IQCH: variants seen among roughly 807,000 people sequenced by gnomAD.
IQCH encodes the protein IQ domain-containing protein H.
IQCH carries 98 observed loss-of-function variants against 117.0 expected under a neutral mutation model. The ratio of observed to expected loss-of-function variants is 0.84; its 90% CI spans 0.71 to 0.99. The LOEUF is 0.99. Among genes scored for constraint, IQCH ranks in the 50% least tolerant of loss-of-function variants. IQCH has a pLI of 0.00. For synonymous variants in IQCH, 412 were observed against 448.2 expected (o/e 0.92, Z 1.02); for missense variants, 1,102 against 1,243.8 (o/e 0.89, Z 1.72).
At chr15:67,321,529 C>G (rs1462467089) in intron 4 of IQCH, among the ~76,000 whole-genome samples, 2 of 126,528 alleles carry the variant, frequency 1.6e-5, no homozygotes, top group Non-Finnish European at 3.4e-5. Flanking sequence ...TTCTTTCTTT[C>G]TTTCCTTCCT....
intron 4 of IQCH, among the ~76,000 whole-genome samples, chr15:67,326,741 T>C (rs1968430510): frequency 6.6e-6 from 1 of 152,232 alleles, no homozygotes; most frequent in South Asian, 2.1e-4. Context: ...AAGCAGCTTA[T>C]AGAAAACAAC....
chr15:67,498,800 T>C (rs1370316833), intron 20 of IQCH, among the ~76,000 whole-genome samples: 1 of 152,036 alleles, frequency 6.6e-6, no homozygotes, highest in African/African-American at 2.4e-5. Context: ...CATCAAAATT[T>C]AAAACTTCGT....
chr15:67,375,723 AAG>A (rs1160660848), intron 10 of IQCH, among the ~76,000 whole-genome samples: 3 of 151,990 alleles, frequency 2.0e-5, no homozygotes, highest in Non-Finnish European at 4.4e-5. Context: ...ACACTTTCAA[AAG>A]AGAATAATAC....
Position 67,384,148 on chromosome 15 carries a change from C to G in IQCH, c.1373-788C>G, listed in dbSNP as rs188397058. Among the ~76,000 whole-genome samples, 114 of 152,204 alleles carry G rather than the reference C, an allele frequency of 7.5e-4. No homozygotes were observed. Among genetic ancestry groups the G allele is most frequent in the African/African-American group, 2.5e-3 (102 of 41,544 alleles). ...ATGAAGAAAAAAAAAGTTACACCTA[C>G]AGTTGTTGAATTTCATATAAGCAGT... On this transcript the variant is annotated intron_variant, in intron 10 of 20. Transcript: ENST00000335894. This position sits in a 1 kb window ranked among gnomAD's most constrained non-coding sequence, Gnocchi z 4.3.
At position 67,421,439 on chromosome 15, in the gene IQCH, GC is replaced by G; in HGVS notation, c.2369del (p.Pro790LeufsTer23). 3.1e-6 allele frequency: 5 copies of G among 1,614,154 alleles called. No homozygotes were observed. The highest frequency in any genetic ancestry group is 4.2e-6 in the Non-Finnish European group (5 of 1,180,020). On this transcript the variant is annotated frameshift_variant, in exon 16 of 21. Coordinates refer to ENST00000335894, the MANE Select transcript of IQCH (RefSeq NM_001031715.3). LOFTEE classifies it high-confidence loss of function. ...SPFISSGTTV[P>X]QTSVDPQVLT... ...CCTTCATCTCCTCTGGTACCACCGT[GC>G]CTCAGACCTCAGTGGATCCCCAAGT...
At position 67,416,083 on chromosome 15, in the gene IQCH, T is replaced by TA. The variant is rs919968214; in HGVS notation, c.2098-842dup. ...GTCTCAAAAAATTTTTTTTAAAAAT[T>TA]AAAAAATATATGGAGGTGTCCAGGT... On this transcript the variant is annotated intron_variant, in intron 14 of 20. Transcript: ENST00000335894. The surrounding 1 kb of genome is among the most constrained non-coding windows in gnomAD (Gnocchi z 5.1). 1.3e-5 allele frequency among the ~76,000 whole-genome samples: 2 copies of TA among 151,774 alleles called. No individual in the cohort carries two copies. The highest frequency in any genetic ancestry group is 2.9e-5 in the Non-Finnish European group (2 of 67,946).
In IQCH at chr15:67,406,743, G is replaced by T. The variant is rs1187273232; in HGVS notation, c.2097+6438G>T. 6.6e-6 allele frequency: 1 copy of T among 152,066 alleles called. No individual in the cohort carries two copies. Among genetic ancestry groups the T allele is most frequent in the Non-Finnish European group, 1.5e-5 (1 of 68,034 alleles). 9.4% of individuals were successfully genotyped at this position (152,066 alleles called of 1,614,324 possible). ...AGGTTAGACTCCCATGCTCCCTGGG[G>T]GATAACTATAGGCAAATTACTTCAG... On this transcript the variant is annotated intron_variant, in intron 14 of 20. Coordinates refer to ENST00000335894, the MANE Select transcript of IQCH (RefSeq NM_001031715.3). This position sits in a 1 kb window ranked among gnomAD's most constrained non-coding sequence, Gnocchi z 4.5.
intron 16 of IQCH, among the ~76,000 whole-genome samples, chr15:67,460,304 A>G (rs907974379): frequency 3.3e-5 from 5 of 152,192 alleles, no homozygotes; most frequent in African/African-American, 1.2e-4. Flanking sequence ...TGATTCTGCT[A>G]ATGTTAACAC....
intron 4 of IQCH, among the ~76,000 whole-genome samples, chr15:67,314,382 C>G (rs1349094828): frequency 6.6e-6 from 1 of 151,602 alleles, no homozygotes; most frequent in East Asian, 1.9e-4. Flanking sequence ...CCCTTGTCTT[C>G]CCAATCTAAT....
At chr15:67,320,175 C>G (rs1433402845) in intron 4 of IQCH, among the ~76,000 whole-genome samples, 1 of 152,248 alleles carries the variant, frequency 6.6e-6, no homozygotes, top group Non-Finnish European at 1.5e-5. Context: ...AGAGCCCCAG[C>G]AGTTCTGCAG....
In IQCH at chr15:67,323,432, C is replaced by T. The variant is rs186140122; in HGVS notation, c.388-13543C>T. Among the ~76,000 whole-genome samples the T allele has an allele frequency of 4.1e-3, 621 of 151,694 alleles. 4 individuals are homozygous for T. Among genetic ancestry groups the T allele is most frequent in the Non-Finnish European group, 7.0e-3 (478 of 67,844 alleles). ...TAATTTTTTGTATTTTTAGTGAAGA[C>T]GGGGTTTCACCGTGTTAGCCAGGAT... On this transcript the variant is annotated intron_variant, in intron 4 of 20. Coordinates refer to ENST00000335894, the MANE Select transcript of IQCH (RefSeq NM_001031715.3).
intron 14 of IQCH, among the ~76,000 whole-genome samples, chr15:67,410,704 G>C (rs1689431565): frequency 6.6e-6 from 1 of 152,178 alleles, no homozygotes; most frequent in African/African-American, 2.4e-5. Flanking sequence ...GGAAAGTATT[G>C]GTCCTGAAAG....
rs759942664 is a variant in IQCH, at chr15:67,261,410, G to T, written c.174+16G>T. On this transcript the variant is annotated intron_variant, in intron 2 of 20. Transcript: ENST00000335894. ...GGGGTTAAGAGTAAGTAGAGCTTTAGATATTAAAATACTGGAAGGAGACAA... is the reference window on the plus strand; with the variant it reads ...GGGGTTAAGAGTAAGTAGAGCTTTATATATTAAAATACTGGAAGGAGACAA... 2 of 1,571,006 alleles carry T rather than the reference G, an allele frequency of 1.3e-6. No homozygotes were observed. Among genetic ancestry groups the T allele is most frequent in the Admixed American group, 2.1e-5 (1 of 47,858 alleles).
At chr15:67,290,088 A>G (rs1355178971) in intron 4 of IQCH, among the ~76,000 whole-genome samples, 1 of 152,056 alleles carries the variant, frequency 6.6e-6, no homozygotes, top group Non-Finnish European at 1.5e-5. Flanking sequence ...GTGAAAAATA[A>G]TAGGGTTTCT....
At position 67,370,698 on chromosome 15, in the gene IQCH, G is replaced by C. The variant is rs1157045628; in HGVS notation, c.754-1413G>C. 6.6e-6 allele frequency among the ~76,000 whole-genome samples: 1 copy of C among 152,176 alleles called. No individual in the cohort carries two copies. The highest frequency in any genetic ancestry group is 1.5e-5 in the Non-Finnish European group (1 of 68,036). Reference sequence around the variant, plus strand: ...ATCAGAAAGGGATAGAAGCTTGGAAGGAAGATTTTTTCCCTCATTTTTATG... The same window carrying C: ...ATCAGAAAGGGATAGAAGCTTGGAACGAAGATTTTTTCCCTCATTTTTATG... On this transcript the variant is annotated intron_variant, in intron 8 of 20. Coordinates refer to ENST00000335894, the MANE Select transcript of IQCH (RefSeq NM_001031715.3). This position sits in a 1 kb window ranked among gnomAD's most constrained non-coding sequence, Gnocchi z 5.6.
intron 5 of IQCH, among the ~76,000 whole-genome samples, chr15:67,338,357 A>C (rs1968995318): frequency 6.6e-6 from 1 of 152,214 alleles, no homozygotes; most frequent in Non-Finnish European, 1.5e-5. Flanking sequence ...TCATTTCTAA[A>C]TTATCTTCAT....
At chr15:67,280,728 C>T (rs922013095) in intron 4 of IQCH, among the ~76,000 whole-genome samples, 1 of 152,004 alleles carries the variant, frequency 6.6e-6, no homozygotes, top group African/African-American at 2.4e-5. Flanking sequence ...CCATAGCATG[C>T]CCTGACTTAA....
At position 67,433,356 on chromosome 15, in the gene IQCH, T is replaced by C. The variant is rs1385257666; in HGVS notation, c.2505+11779T>C. 2.0e-5 allele frequency among the ~76,000 whole-genome samples: 3 copies of C among 152,202 alleles called. No homozygotes were observed. Among genetic ancestry groups the C allele is most frequent in the Non-Finnish European group, 4.4e-5 (3 of 68,038 alleles). ...CTTAACACTGATAGTGCAGGTAAAC[T>C]AGTGGCCAACTTTGCTATGTATATA... On this transcript the variant is annotated intron_variant, in intron 16 of 20. Coordinates refer to ENST00000335894, the MANE Select transcript of IQCH (RefSeq NM_001031715.3). This position sits in a 1 kb window ranked among gnomAD's most constrained non-coding sequence, Gnocchi z 5.4.
In IQCH at chr15:67,425,666, A is replaced by G. The variant is rs572497126; in HGVS notation, c.2505+4089A>G. Among the ~76,000 whole-genome samples, 3 of 152,294 alleles carry G rather than the reference A, an allele frequency of 2.0e-5. No individual in the cohort carries two copies. Among genetic ancestry groups the G allele is most frequent in the East Asian group, 1.9e-4 (1 of 5,190 alleles). ...AATTGATTAGTAATATTTTGTAGAAATGTGTTCCAAGAGTACCACAATAGT... is the reference window on the plus strand; with the variant it reads ...AATTGATTAGTAATATTTTGTAGAAGTGTGTTCCAAGAGTACCACAATAGT... On this transcript the variant is annotated intron_variant, in intron 16 of 20. Coordinates refer to ENST00000335894, the MANE Select transcript of IQCH (RefSeq NM_001031715.3). The surrounding 1 kb of genome is among the most constrained non-coding windows in gnomAD (Gnocchi z 5.5).
Sources: allele counts gnomAD v4.1 joint callset (sites outside exome capture counted in the v4.1 genomes callset), GRCh38; gene constraint gnomAD v4.1.1; non-coding constraint Gnocchi (gnomAD v3.1); transcripts MANE v1.5; gene names NCBI Gene and HGNC (gene_info 2026-07-23, HGNC 2026-07-21).